The following NUP210 variants were observed in gnomAD, a reference collection of about 807,000 sequenced individuals.
NUP210 encodes nucleoporin 210, also known as nuclear pore membrane glycoprotein 210.
In NUP210, 151 loss-of-function variants were observed where a neutral mutation model predicts 196.0. The ratio of observed to expected loss-of-function variants is 0.77; its 90% CI spans 0.67 to 0.88. The LOEUF (loss-of-function observed/expected upper bound fraction) is 0.88, where lower values mean the gene tolerates loss of function less well. NUP210 is among the 40% of genes least tolerant of loss of function. NUP210 has a pLI of 0.00. For synonymous variants in NUP210, 1,070 were observed against 1,052.7 expected, an observed-to-expected ratio of 1.02 and a Z score of -0.32; for missense variants, 2,314 against 2,493.7, an observed-to-expected ratio of 0.93 and a Z score of 1.53.
At chr3:13,354,151 G>A in intron 16 of NUP210, 44 bp from the exon 17 acceptor site, 1 of 1,502,846 alleles carries the variant, frequency 6.7e-7, no homozygotes, top group South Asian at 1.2e-5. Flanking sequence ...CCCCAGGACT[G>A]GACCTGGACA....
At chr3:13,382,135 A>C (rs1699123261) in intron 6 of NUP210, among the ~76,000 whole-genome samples, 1 of 152,214 alleles carries the variant, frequency 6.6e-6, no homozygotes, top group Admixed American at 6.5e-5. Context: ...TAATTCCAGC[A>C]TTCTATCCAC....
In NUP210 at chr3:13,347,141, G is replaced by A. The variant is rs886836215; in HGVS notation, c.2836-3838C>T. 1.0e-5 allele frequency: 10 copies of A among 985,314 alleles called. No homozygotes were observed. The highest frequency in any genetic ancestry group is 1.2e-5 in the Non-Finnish European group (10 of 829,940). The allele number at this position is 985,314 out of a possible 1,614,324, so 61.0% of individuals were successfully genotyped here. ...CGCCTCACAGGACCCAGGAGATGGA[G>A]AGAAGCAGCCGCAGCTCATAGGACC... On this transcript the variant is annotated intron_variant, in intron 20 of 39. Transcript: ENST00000254508. This position sits in a 1 kb window ranked among gnomAD's most constrained non-coding sequence, Gnocchi z 4.7.
At chr3:13,412,866 G>A (rs1700223125) in intron 1 of NUP210, among the ~76,000 whole-genome samples, 2 of 151,576 alleles carry the variant, frequency 1.3e-5, no homozygotes, top group Admixed American at 6.6e-5. Flanking sequence ...AGCTACTTAG[G>A]AGGCTGAGGC....
chr3:13,408,895 A>G (rs1381721443), intron 1 of NUP210, among the ~76,000 whole-genome samples: 2 of 152,130 alleles, frequency 1.3e-5, no homozygotes, highest in Non-Finnish European at 2.9e-5. Flanking sequence ...TTTTCAGGGC[A>G]TCCCAAAAGC....
rs1474335893 is a variant in NUP210 at position 13,317,521 on chromosome 3, C to T, written c.*160G>A. On this transcript the variant is annotated 3_prime_UTR_variant, in exon 40 of 40. Coordinates refer to ENST00000254508, the MANE Select transcript of NUP210 (RefSeq NM_024923.4). ...CATAAAATGAGCTAATGGGCAGAGC[C>T]GAAACTACAGCTCTGTGTGAAGAGA... 3.1e-5 allele frequency: 19 copies of T among 620,474 alleles called. No individual in the cohort carries two copies. Among genetic ancestry groups the T allele is most frequent in the Admixed American group, 8.2e-5 (3 of 36,778 alleles). The allele number at this position is 620,474 out of a possible 1,614,324, so 38.4% of individuals were successfully genotyped here. A position where few individuals can be genotyped will look rare whatever the true frequency, so the allele number is the denominator to read the frequency against.
At chr3:13,402,193 C>T (rs1699860324) in intron 1 of NUP210, among the ~76,000 whole-genome samples, 2 of 151,868 alleles carry the variant, frequency 1.3e-5, no homozygotes, top group East Asian at 1.9e-4. Flanking sequence ...AATGAGGTCC[C>T]GTCTCAAGCA....
In NUP210 at chr3:13,376,504, C is replaced by T. The variant is rs1052631395; in HGVS notation, c.1153-73G>A. On this transcript the variant is annotated intron_variant, in intron 9 of 39. Coordinates refer to ENST00000254508, the MANE Select transcript of NUP210 (RefSeq NM_024923.4). ...AGAAAGTCAGAATTTGGGCACGAAG[C>T]TACAGGACTGAAACCAGCAGCCAGG... The T allele has an allele frequency of 4.4e-6, 7 of 1,577,218 alleles. No individual in the cohort carries two copies. In the African/African-American group the frequency reaches 6.7e-5, roughly 15 times the overall value.
chr3:13,377,018 G>A (rs778614041), intron 9 of NUP210, among the ~76,000 whole-genome samples: 10 of 152,262 alleles, frequency 6.6e-5, no homozygotes, highest in East Asian at 3.9e-4. Context: ...TGCTGAGCTC[G>A]GCCTCTGTCA....
Position 13,325,906 on chromosome 3 carries a change from CGAG to C in NUP210, c.4530_4532del (p.Ser1511del). On this transcript the variant is annotated inframe_deletion, in exon 33 of 40. Transcript: ENST00000254508. ...GGTCGATGTGGAGGATGCTGTTGGC[CGAG>C]GAGCTCCAGGTTCCTGAGAGGCCTG... 1 of 1,613,772 alleles carries C rather than the reference CGAG, an allele frequency of 6.2e-7. No individual in the cohort carries two copies.
At chr3:13,411,970 T>A (rs1387996393) in intron 1 of NUP210, among the ~76,000 whole-genome samples, 2 of 152,290 alleles carry the variant, frequency 1.3e-5, no homozygotes, top group East Asian at 3.9e-4. Flanking sequence ...CTCGAACTCC[T>A]GACCTCAGGT....
Position 13,319,942 on chromosome 3 carries a change from T to C in NUP210, c.5204A>G (p.Lys1735Arg), listed in dbSNP as rs779315547. ...SGSPAVLAFA[K>R]EKSFGWPSFI... ...GCTGGGCCACCCAAAAGACTTCTCC[T>C]TTGCGAATGCCAGCACGGCCGGGGA... Residue 1735 changes from lysine (K) to arginine (R), a missense_variant, in exon 37 of 40, where the codon AAG (lysine) becomes AGG (arginine). By Grantham distance (26) the Lys-to-Arg change is conservative. Transcript: ENST00000254508. 1.2e-6 allele frequency: 2 copies of C among 1,614,142 alleles called. No individual in the cohort carries two copies. The highest frequency in any genetic ancestry group is 4.5e-5 in the East Asian group (2 of 44,886).
Position 13,323,209 on chromosome 3 carries a change from T to C in NUP210, c.4768+100A>G, listed in dbSNP as rs915229233. 1.7e-5 allele frequency: 25 copies of C among 1,449,010 alleles called. No homozygotes were observed. The African/African-American group carries it at 3.1e-4, about 18-fold the overall frequency. 89.8% of individuals were successfully genotyped at this position (1,449,010 alleles called of 1,614,324 possible). The stretch of plus-strand genomic sequence containing the variant: ...ATGCCCTCTCTGGAGTTGGTGTGAG[T>C]GTGAATAGGAGAAGCAGATAAACTC... On this transcript the variant is annotated intron_variant, in intron 34 of 39. Transcript: ENST00000254508. This position sits in a 1 kb window ranked among gnomAD's most constrained non-coding sequence, Gnocchi z 4.3.
intron 10 of NUP210, 69 bp from the exon 11 acceptor site, chr3:13,375,710 G>T: frequency 1.3e-6 from 2 of 1,526,074 alleles, no homozygotes; most frequent in South Asian, 1.2e-5. Flanking sequence ...CCAGTCACCG[G>T]ACCCCCACCC....
chr3:13,403,368 C>T (rs566382082), intron 1 of NUP210, among the ~76,000 whole-genome samples: 11 of 152,302 alleles, frequency 7.2e-5, no homozygotes, highest in African/African-American at 1.2e-4. Context: ...GCAGAAGGGG[C>T]GAGGGAGCTC....
chr3:13,392,141 G>A (rs1331938476), intron 3 of NUP210, among the ~76,000 whole-genome samples: 1 of 152,124 alleles, frequency 6.6e-6, no homozygotes, highest in Non-Finnish European at 1.5e-5. Context: ...GGATCTGGGG[G>A]CCAAGAAAAG....
In NUP210 at chr3:13,373,789, C is replaced by A; in HGVS notation, c.1516G>T (p.Gly506Cys). The stretch of plus-strand genomic sequence containing the variant: ...ATCACACTGAACCCGATGTCACTGC[C>A]TGTGGTCATCACGCCCTTGACAGTA... ...TVTVKGVMTT[G>C]SDIGFSVIQA... The change falls in exon 12 of 40, where the codon GGC (glycine) becomes TGC (cysteine). Residue 506 changes from glycine (G) to cysteine (C), a missense_variant. By Grantham distance (159) the Gly-to-Cys change is radical. Transcript: ENST00000254508. 2.5e-6 allele frequency: 4 copies of A among 1,614,188 alleles called. No homozygotes were observed. The highest frequency in any genetic ancestry group is 3.4e-6 in the Non-Finnish European group (4 of 1,180,024).
chr3:13,376,195 A>C, intron 10 of NUP210, 96 bp downstream of exon 10: 2 of 1,314,544 alleles, frequency 1.5e-6, no homozygotes, highest in Non-Finnish European at 2.1e-6. Context: ...AGGTGGCCCA[A>C]CTCCCTGGGA....
At chr3:13,387,389 CT>C (rs1403633529) in intron 5 of NUP210, among the ~76,000 whole-genome samples, 9 of 152,234 alleles carry the variant, frequency 5.9e-5, no homozygotes, top group African/African-American at 2.2e-4. Context: ...GCCTTTCCAG[CT>C]TAGCAGTGTG....
intron 36 of NUP210, among the ~76,000 whole-genome samples, chr3:13,321,123 C>T (rs143084470): frequency 3.8e-4 from 58 of 152,384 alleles, no homozygotes; most frequent in Middle Eastern, 3.4e-3. Flanking sequence ...GAACTCTTCC[C>T]AGCCTGCCAG....
Sources: gnomAD v4.1 joint callset for allele counts (sites outside exome capture counted in the v4.1 genomes callset) on GRCh38, gnomAD v4.1.1 for gene constraint, Gnocchi (gnomAD v3.1) non-coding constraint, MANE v1.5 for transcripts, NCBI Gene and HGNC (gene_info 2026-07-23, HGNC 2026-07-21) for gene names.